The following WDPCP variants were observed in gnomAD, a reference collection of about 807,000 sequenced individuals.
The protein encoded by WDPCP is WD repeat containing planar cell polarity effector.
Under a neutral mutation model 93.1 loss-of-function variants are expected in WDPCP, and 71 were observed. The observed-to-expected ratio is 0.76, with a 90% CI of 0.63 to 0.93. The LOEUF is 0.93. Ranked by LOEUF, WDPCP falls within the 40% of genes least tolerant of loss-of-function variation. The pLI is 0.00. For missense variants in WDPCP, 844 were observed against 887.4 expected (o/e 0.95, Z 0.62); for synonymous variants, 315 against 315.0 (o/e 1.00, Z 0.00).
At chr2:63,228,795 G>A (rs1014981196) in intron 14 of WDPCP, 1 of 152,096 alleles carries the variant, frequency 6.6e-6, no homozygotes, top group Non-Finnish European at 1.5e-5. Context: ...GTATTCCATG[G>A]TGTATATGTG....
chr2:63,367,733 A>G (rs1214905731), intron 12 of WDPCP, among the ~76,000 whole-genome samples: 5 of 152,210 alleles, frequency 3.3e-5, no homozygotes, highest in South Asian at 2.1e-4. Context: ...TAGAAAAAAC[A>G]TAAGTGTTCC....
rs1264763862 is a variant in WDPCP, at chr2:63,544,090, T to A, written c.75+44107A>T. The stretch of plus-strand genomic sequence containing the variant: ...TAATAGCAAAGCAAGATTCATTCAT[T>A]CTATTTTAGTATTTTGATAATTCTT... On this transcript the variant is annotated intron_variant, in intron 1 of 17. Coordinates refer to ENST00000272321, the MANE Select transcript of WDPCP (RefSeq NM_015910.7). 2.6e-5 allele frequency among the ~76,000 whole-genome samples: 4 copies of A among 152,150 alleles called. No individual in the cohort carries two copies. In the East Asian group the frequency reaches 7.7e-4, roughly 29 times the overall value.
intron 12 of WDPCP, among the ~76,000 whole-genome samples, chr2:63,354,887 A>G (rs928440518): frequency 6.6e-6 from 1 of 152,236 alleles, no homozygotes; most frequent in African/African-American, 2.4e-5. Context: ...TGACAGTCAG[A>G]CAAAAATAAA....
intron 14 of WDPCP, among the ~76,000 whole-genome samples, chr2:63,207,535 T>TG (rs1317785602): frequency 6.6e-6 from 1 of 152,196 alleles, no homozygotes; most frequent in Non-Finnish European, 1.5e-5. Context: ...CTAATGCAAA[T>TG]AGGTCGTTTT....
chr2:63,797,948 A>G (rs888756612), intron 2 of WDPCP, among the ~76,000 whole-genome samples: 4 of 152,206 alleles, frequency 2.6e-5, no homozygotes, highest in Non-Finnish European at 4.4e-5. Context: ...AGAAACAAAT[A>G]ACATACAATG....
chr2:63,432,986 G>C (rs966548902), intron 9 of WDPCP, among the ~76,000 whole-genome samples: 3 of 152,022 alleles, frequency 2.0e-5, no homozygotes, highest in African/African-American at 7.2e-5. Flanking sequence ...GCAAATATAG[G>C]AACATACTAT....
At chr2:63,122,540 G>A (rs1669616221) in intron 17 of WDPCP, among the ~76,000 whole-genome samples, 1 of 152,128 alleles carries the variant, frequency 6.6e-6, no homozygotes, top group Non-Finnish European at 1.5e-5. Flanking sequence ...TTATGAAGCT[G>A]CAAAGAAATA....
At chr2:63,317,404 A>C in intron 12 of WDPCP, among the ~76,000 whole-genome samples, 1 of 61,058 alleles carries the variant, frequency 1.6e-5, no homozygotes, top group East Asian at 1.0e-3. Flanking sequence ...GTGAAACTAC[A>C]TCTCAAAAAA....
intron 1 of WDPCP, among the ~76,000 whole-genome samples, chr2:63,528,863 ATTTG>A (rs1318971654): frequency 6.6e-6 from 1 of 152,148 alleles, no homozygotes; most frequent in Non-Finnish European, 1.5e-5. Context: ...ATGTTCTTCC[ATTTG>A]TTTGTGTCTT....
intron 15 of WDPCP, among the ~76,000 whole-genome samples, chr2:63,161,979 A>G (rs1331055129): frequency 1.3e-5 from 2 of 152,094 alleles, no homozygotes; most frequent in Non-Finnish European, 2.9e-5. Context: ...CATGTTGGCC[A>G]GGCTGGTCTT....
intron 14 of WDPCP, among the ~76,000 whole-genome samples, chr2:63,182,204 G>A (rs1574817927): frequency 6.6e-6 from 1 of 152,104 alleles, no homozygotes; most frequent in East Asian, 1.9e-4. Flanking sequence ...TGGTGAAAGT[G>A]GTCATCATTG....
chr2:63,528,855 G>A (rs1575587972), intron 1 of WDPCP, among the ~76,000 whole-genome samples: 1 of 152,192 alleles, frequency 6.6e-6, no homozygotes, highest in Non-Finnish European at 1.5e-5. Flanking sequence ...AACATGGAAT[G>A]TTCTTCCATT....
At chr2:63,684,390 A>G (rs928900384) in intron 2 of WDPCP, 16 of 779,712 alleles carry the variant, frequency 2.1e-5, no homozygotes, top group African/African-American at 1.2e-4. Flanking sequence ...CATGAAGAAC[A>G]TTGATGATGG....
chr2:63,593,412 AT>A (rs34641495), upstream of WDPCP: 68,488 of 323,746 alleles, frequency 0.21, 6,093 homozygotes, highest in Middle Eastern at 0.32. Context: ...CTTTTTTGAA[AT>A]TTTTTTTTTT....
chr2:63,614,725 T>G (rs112596176), intron 3 of WDPCP, among the ~76,000 whole-genome samples: 5,015 of 152,268 alleles, frequency 0.033, 119 homozygotes, highest in Middle Eastern at 0.1. Flanking sequence ...CCTTTTCACT[T>G]GAAGAACCTC....
intron 6 of WDPCP, among the ~76,000 whole-genome samples, chr2:63,474,147 TA>T (rs938843290): frequency 1.3e-5 from 2 of 152,092 alleles, no homozygotes; most frequent in Non-Finnish European, 2.9e-5. Context: ...AAATTTTAAA[TA>T]AAAAATGTAT....
At chr2:63,536,215 AG>A (rs1704265236) in intron 1 of WDPCP, among the ~76,000 whole-genome samples, 1 of 152,324 alleles carries the variant, frequency 6.6e-6, no homozygotes, top group South Asian at 2.1e-4. Flanking sequence ...AGGAAACAAC[AG>A]GTCTTGGAGA....
At chr2:63,153,395 AG>A in intron 16 of WDPCP, 99 bp downstream of exon 16, 1 of 898,720 alleles carries the variant, frequency 1.1e-6, no homozygotes, top group Admixed American at 2.4e-5. Context: ...AGAAATGCTC[AG>A]AGTTTTCTTA....
chr2:63,319,951 C>A (rs1233173091), intron 12 of WDPCP, among the ~76,000 whole-genome samples: 2 of 151,896 alleles, frequency 1.3e-5, no homozygotes, highest in Admixed American at 6.6e-5. Context: ...TGCACATGTA[C>A]TTAGAAATGA....
Sources: allele counts gnomAD v4.1 joint callset (sites outside exome capture counted in the v4.1 genomes callset), GRCh38; gene constraint gnomAD v4.1.1; transcripts MANE v1.5; gene names NCBI Gene and HGNC (gene_info 2026-07-23, HGNC 2026-07-21).